The following NAALADL2 variants were observed in gnomAD, a reference collection of about 807,000 sequenced individuals.
The protein encoded by NAALADL2 is inactive N-acetylated-alpha-linked acidic dipeptidase-like protein 2.
Under a neutral mutation model 87.2 loss-of-function variants are expected in NAALADL2, and 76 were observed. The ratio of observed to expected loss-of-function variants is 0.87; its 90% confidence interval spans 0.72 to 1.05. The LOEUF is 1.05. Among genes scored for constraint, NAALADL2 ranks in the 50% least tolerant of loss-of-function variants. The pLI, the probability that NAALADL2 is intolerant of heterozygous loss-of-function variation, is 0.00. For missense variants in NAALADL2, 1,089 were observed against 945.8 expected (o/e 1.15, Z -1.99); for synonymous variants, 354 against 331.0 (o/e 1.07, Z -0.75).
intron 2 of NAALADL2, among the ~76,000 whole-genome samples, chr3:175,159,563 T>G (rs757767968): frequency 1.3e-5 from 2 of 152,220 alleles, no homozygotes; most frequent in Non-Finnish European, 2.9e-5. Flanking sequence ...TAATTTTTAG[T>G]GTCCAATTTA....
intron 1 of NAALADL2, among the ~76,000 whole-genome samples, chr3:174,527,409 C>T (rs1484765177): frequency 6.6e-6 from 1 of 151,426 alleles, no homozygotes; most frequent in Non-Finnish European, 1.5e-5. Flanking sequence ...ATCCCAGCTA[C>T]TCGGGAGGCT....
chr3:174,551,294 A>T (rs1368400794), intron 2 of NAALADL2: 1 of 152,204 alleles, frequency 6.6e-6, no homozygotes, highest in Non-Finnish European at 1.5e-5. Flanking sequence ...AATGTAGCAC[A>T]TATAAGGCAT....
In NAALADL2 at chr3:175,008,962, A is replaced by T. The variant is rs115910564; in HGVS notation, c.44-87828A>T. Among the ~76,000 whole-genome samples the T allele has an allele frequency of 9.3e-3, 1,414 of 152,278 alleles. 13 individuals are homozygous for T. Among genetic ancestry groups the T allele is most frequent in the African/African-American group, 0.032 (1,314 of 41,554 alleles). ...ATTCCTTAAAAATAAGTCTTTTGTG[A>T]AAAAAGACAAATCTAAATGTAACAT... On this transcript the variant is annotated intron_variant, in intron 1 of 13. Coordinates refer to ENST00000454872, the MANE Select transcript of NAALADL2 (RefSeq NM_207015.3).
chr3:174,859,207 T>C, upstream of NAALADL2: 1 of 564,562 alleles, frequency 1.8e-6, no homozygotes. Context: ...ATACAGTGGA[T>C]CAAAAGATAT....
At chr3:174,853,914 C>A (rs936254254) in intron 3 of NAALADL2, among the ~76,000 whole-genome samples, 27 of 152,036 alleles carry the variant, frequency 1.8e-4, no homozygotes, top group African/African-American at 6.3e-4. Flanking sequence ...ATGGGTAACC[C>A]TCATAAACTA....
intron 4 of NAALADL2, among the ~76,000 whole-genome samples, chr3:175,274,148 G>A (rs1049577322): frequency 6.6e-6 from 1 of 152,164 alleles, no homozygotes; most frequent in Non-Finnish European, 1.5e-5. Context: ...AATCAAGGCA[G>A]ATGGCGAAGG....
intron 1 of NAALADL2, among the ~76,000 whole-genome samples, chr3:174,944,311 T>G (rs907222082): frequency 2.0e-5 from 3 of 152,106 alleles, no homozygotes; most frequent in Non-Finnish European, 4.4e-5. Context: ...CCTGGATGTG[T>G]TGTCATAGAG....
At chr3:174,608,715 G>A (rs570440578) in intron 2 of NAALADL2, among the ~76,000 whole-genome samples, 2 of 150,122 alleles carry the variant, frequency 1.3e-5, no homozygotes, top group African/African-American at 2.4e-5. Context: ...TGGATTCACA[G>A]CCGAATTCTA....
chr3:174,816,179 C>T (rs1720777178), intron 3 of NAALADL2, among the ~76,000 whole-genome samples: 1 of 151,704 alleles, frequency 6.6e-6, no homozygotes, highest in Non-Finnish European at 1.5e-5. Context: ...CTTCTCTTTC[C>T]ATTCTACTCC....
intron 11 of NAALADL2, among the ~76,000 whole-genome samples, chr3:175,630,963 C>G (rs1350735369): frequency 6.6e-6 from 1 of 151,332 alleles, no homozygotes; most frequent in African/African-American, 2.4e-5. Flanking sequence ...TCTGAAGATA[C>G]TATTTTTTAT....
chr3:175,718,213 T>TG, intron 11 of NAALADL2: 1 of 782,992 alleles, frequency 1.3e-6, no homozygotes, highest in Non-Finnish European at 1.9e-6. Flanking sequence ...TTTTTTTTTT[T>TG]TTTTTTTTTT....
chr3:175,428,054 A>G (rs552457821), intron 5 of NAALADL2, among the ~76,000 whole-genome samples: 1 of 152,102 alleles, frequency 6.6e-6, no homozygotes, highest in African/African-American at 2.4e-5. Context: ...TCTAAATCAT[A>G]AAGATCACTG....
intron 1 of NAALADL2, among the ~76,000 whole-genome samples, chr3:175,014,612 TAATTA>T (rs1750580620): frequency 6.6e-6 from 1 of 152,148 alleles, no homozygotes; most frequent in Admixed American, 6.6e-5. Flanking sequence ...TTGGATGCTA[TAATTA>T]AATGTGGGTA....
chr3:175,737,431 CA>C, intron 12 of NAALADL2, 32 bp downstream of exon 12: 1 of 1,318,976 alleles, frequency 7.6e-7, no homozygotes, highest in Non-Finnish European at 1.1e-6. Context: ...GTAATTTTAC[CA>C]ATGAAAAATT....
At chr3:175,106,632 A>T (rs890759484) in intron 2 of NAALADL2, among the ~76,000 whole-genome samples, 4 of 152,078 alleles carry the variant, frequency 2.6e-5, no homozygotes, top group African/African-American at 9.7e-5. Context: ...GTTGGTAATG[A>T]TCACATTCAG....
chr3:175,766,747 C>T (rs1037239148), intron 13 of NAALADL2, among the ~76,000 whole-genome samples: 1 of 152,094 alleles, frequency 6.6e-6, no homozygotes, highest in African/African-American at 2.4e-5. Context: ...TGTACTGAAG[C>T]ACCTAAAACC....
At chr3:174,896,161 G>A (rs1046006937) in intron 1 of NAALADL2, among the ~76,000 whole-genome samples, 1 of 151,978 alleles carries the variant, frequency 6.6e-6, no homozygotes, top group Non-Finnish European at 1.5e-5. Context: ...GTTCTACATA[G>A]TACTGGAAAT....
intron 4 of NAALADL2, among the ~76,000 whole-genome samples, chr3:175,263,159 A>G (rs1291351634): frequency 6.6e-6 from 1 of 151,962 alleles, no homozygotes; most frequent in African/African-American, 2.4e-5. Flanking sequence ...TTTTCAAATC[A>G]GACTACTTTC....
chr3:174,659,181 T>G (rs547122334), intron 2 of NAALADL2, among the ~76,000 whole-genome samples: 1 of 152,320 alleles, frequency 6.6e-6, no homozygotes, highest in Admixed American at 6.5e-5. Context: ...TATGACACTT[T>G]ATTGGTGCCT....
Sources: gnomAD v4.1 joint callset for allele counts (sites outside exome capture counted in the v4.1 genomes callset) on GRCh38, gnomAD v4.1.1 for gene constraint, MANE v1.5 for transcripts, NCBI Gene and HGNC (gene_info 2026-07-23, HGNC 2026-07-21) for gene names.